The following DNAH11 variants were observed in gnomAD, a reference collection of about 807,000 sequenced individuals.
DNAH11 encodes the protein dynein axonemal heavy chain 11.
A neutral mutation model predicts 526.0 loss-of-function variants in DNAH11; 442 were observed. The ratio of observed to expected loss-of-function variants is 0.84; its 90% confidence interval spans 0.78 to 0.91. The LOEUF (loss-of-function observed/expected upper bound fraction) is 0.91, where lower values mean the gene tolerates loss of function less well. DNAH11 is among the 40% of genes least tolerant of loss of function. The pLI, the probability that DNAH11 is intolerant of heterozygous loss-of-function variation, is 0.00. For missense variants in DNAH11, 6,989 were observed against 5,448.7 expected, an observed-to-expected ratio of 1.28 and a Z score of -8.90; for synonymous variants, 2,461 against 1,935.9, an observed-to-expected ratio of 1.27 and a Z score of -7.12.
At chr7:21,670,846 G>T (rs1223050956) in intron 30 of DNAH11, among the ~76,000 whole-genome samples, 1 of 151,094 alleles carries the variant, frequency 6.6e-6, no homozygotes, top group Non-Finnish European at 1.5e-5. Context: ...AATTGGTTAT[G>T]AATTATCCTT....
chr7:21,709,371 T>C (rs985201657), intron 40 of DNAH11, among the ~76,000 whole-genome samples: 8 of 152,112 alleles, frequency 5.3e-5, no homozygotes, highest in Non-Finnish European at 1.0e-4. Context: ...GAGCTAAACA[T>C]TGGGTACATG....
intron 45 of DNAH11, among the ~76,000 whole-genome samples, chr7:21,728,241 T>G (rs960714870): frequency 2.1e-4 from 1 of 4,680 alleles, no homozygotes; most frequent in Non-Finnish European, 6.2e-4. Flanking sequence ...ACAATTCTTT[T>G]TTTTTTTTTT....
intron 55 of DNAH11, among the ~76,000 whole-genome samples, chr7:21,770,758 C>T (rs1056484807): frequency 1.3e-5 from 2 of 152,148 alleles, no homozygotes; most frequent in African/African-American, 4.8e-5. Context: ...GGAAGAAGTA[C>T]AGGAGGGTAT....
chr7:21,671,162 C>T (rs909328205), intron 30 of DNAH11, among the ~76,000 whole-genome samples: 1 of 152,096 alleles, frequency 6.6e-6, no homozygotes, highest in African/African-American at 2.4e-5. Flanking sequence ...TATACATATG[C>T]AGCTGTTTAG....
At chr7:21,892,757 T>C in intron 77 of DNAH11, 90 bp downstream of exon 77, 1 of 1,407,560 alleles carries the variant, frequency 7.1e-7, no homozygotes, top group Non-Finnish European at 9.4e-7. Flanking sequence ...AATCAATAAG[T>C]TTTTACCTAG....
Position 21,842,541 on chromosome 7 carries a change from T to C in DNAH11, c.10692-3T>C. On this transcript the variant is annotated splice_polypyrimidine_tract_variant and splice_region_variant and intron_variant, in intron 65 of 81. Transcript: ENST00000409508. ...CTGAAAGTCTGTGTTTTGCTCCGTT[T>C]AGGTATATCAGGATTGGAGATAAAG... The C allele has an allele frequency of 6.2e-7, 1 of 1,613,398 alleles. No homozygotes were observed. Among genetic ancestry groups the C allele is most frequent in the Non-Finnish European group, 8.5e-7 (1 of 1,179,498 alleles).
intron 61 of DNAH11, among the ~76,000 whole-genome samples, chr7:21,789,649 C>G (rs984649184): frequency 6.6e-6 from 1 of 152,102 alleles, no homozygotes; most frequent in African/African-American, 2.4e-5. Context: ...GACTATCTGG[C>G]TTATATCTTG....
At chr7:21,622,949 A>T (rs1786146996) in intron 25 of DNAH11, among the ~76,000 whole-genome samples, 1 of 152,314 alleles carries the variant, frequency 6.6e-6, no homozygotes, top group African/African-American at 2.4e-5. Flanking sequence ...AATGGCAACA[A>T]AAGCCAAAAT....
chr7:21,712,189 C>G (rs1028606282), intron 42 of DNAH11, among the ~76,000 whole-genome samples: 2 of 152,176 alleles, frequency 1.3e-5, no homozygotes, highest in Admixed American at 1.3e-4. Flanking sequence ...CAGAGTTTAT[C>G]CACGTAGCAG....
At chr7:21,705,919 G>A (rs1301311763) in intron 39 of DNAH11, among the ~76,000 whole-genome samples, 1 of 152,064 alleles carries the variant, frequency 6.6e-6, no homozygotes, top group Non-Finnish European at 1.5e-5. Context: ...AAGAGACTGT[G>A]GAATAAGATA....
At chr7:21,610,989 C>A (rs1785499332) in intron 20 of DNAH11, among the ~76,000 whole-genome samples, 1 of 152,154 alleles carries the variant, frequency 6.6e-6, no homozygotes. Flanking sequence ...ATTTAGGTGT[C>A]AACCTGACTA....
At chr7:21,561,473 A>C in intron 5 of DNAH11, 1 of 235,734 alleles carries the variant, frequency 4.2e-6, no homozygotes, top group Non-Finnish European at 8.1e-6. Context: ...GTCTGGATAG[A>C]GGTTTTCCAA....
chr7:21,638,895 C>T, intron 27 of DNAH11, 44 bp from the exon 28 acceptor site: 1 of 1,566,178 alleles, frequency 6.4e-7, no homozygotes, highest in South Asian at 1.2e-5. Flanking sequence ...GTTTTAATGA[C>T]TGAAGGGACA....
Position 21,698,084 on chromosome 7 carries a change from C to A in DNAH11, c.6051C>A (p.Ala2017=), listed in dbSNP as rs1306269779. 1 of 1,611,836 alleles carries A rather than the reference C, an allele frequency of 6.2e-7. No homozygotes were observed. The highest frequency in any genetic ancestry group is 1.3e-5 in the African/African-American group (1 of 74,822). The change falls in exon 36 of 82, where the codon GCC becomes GCA. Residue 2017 remains alanine (A), a synonymous_variant. Transcript: ENST00000409508. ...CTTATTTACTTTTTAGACCCTGTGCCATGGTGGCCCCTGACATTGAGCTAA... is the reference window on the plus strand; with the variant it reads ...CTTATTTACTTTTTAGACCCTGTGCAATGGTGGCCCCTGACATTGAGCTAA... ...ENLKALFRPC[A]MVAPDIELIC...
intron 20 of DNAH11, among the ~76,000 whole-genome samples, chr7:21,607,895 G>A (rs1225571096): frequency 4.0e-5 from 5 of 125,238 alleles, no homozygotes; most frequent in South Asian, 2.6e-4. Flanking sequence ...CCGAGATTGC[G>A]CCATTGTACT....
At chr7:21,862,688 AAG>A (rs1783111323) in intron 69 of DNAH11, among the ~76,000 whole-genome samples, 1 of 152,200 alleles carries the variant, frequency 6.6e-6, no homozygotes, top group South Asian at 2.1e-4. Context: ...TGACTAGGTA[AAG>A]AGAGCTCCAG....
Position 21,789,441 on chromosome 7 carries a change from A to T in DNAH11, c.10026+99A>T, listed in dbSNP as rs1442684961. ...GACAGCACCATATCTGAGCCCTATCAAGCAGAAAGGAATTCGATCTTCCAT... is the reference window on the plus strand; with the variant it reads ...GACAGCACCATATCTGAGCCCTATCTAGCAGAAAGGAATTCGATCTTCCAT... On this transcript the variant is annotated intron_variant, in intron 61 of 81. Transcript: ENST00000409508. 5 of 703,612 alleles carry T rather than the reference A, an allele frequency of 7.1e-6. No homozygotes were observed. In the African/African-American group the frequency reaches 9.0e-5, roughly 13 times the overall value. The allele number at this position is 703,612 out of a possible 1,614,324, so 43.6% of individuals were successfully genotyped here. A position where few individuals can be genotyped will look rare whatever the true frequency, so the allele number is the denominator to read the frequency against.
At chr7:21,889,321 C>G (rs951144100) in intron 76 of DNAH11, among the ~76,000 whole-genome samples, 1 of 152,154 alleles carries the variant, frequency 6.6e-6, no homozygotes, top group Non-Finnish European at 1.5e-5. Context: ...GTTGTTTCTC[C>G]TTCTTGGCTA....
intron 65 of DNAH11, among the ~76,000 whole-genome samples, chr7:21,818,782 A>T (rs923537400): frequency 6.6e-6 from 1 of 152,072 alleles, no homozygotes; most frequent in East Asian, 1.9e-4. Flanking sequence ...TGTTTTTTCT[A>T]ATATACTTAA....
Sources: allele counts gnomAD v4.1 joint callset (sites outside exome capture counted in the v4.1 genomes callset), GRCh38; gene constraint gnomAD v4.1.1; transcripts MANE v1.5; gene names NCBI Gene and HGNC (gene_info 2026-07-23, HGNC 2026-07-21).